KIAA1549: variants seen among roughly 807,000 people sequenced by gnomAD.
The protein encoded by KIAA1549 is UPF0606 protein KIAA1549.
Under a neutral mutation model 156.4 loss-of-function variants are expected in KIAA1549, and 70 were observed. That is an observed-to-expected ratio of 0.45 (90% CI 0.37 to 0.55). KIAA1549 has a LOEUF of 0.55. KIAA1549 is among the 20% of genes least tolerant of loss of function. KIAA1549 has a pLI of 0.00. For missense variants in KIAA1549, 2,428 were observed against 2,540.9 expected, an observed-to-expected ratio of 0.96 and a Z score of 0.96; for synonymous variants, 1,103 against 1,066.4, an observed-to-expected ratio of 1.03 and a Z score of -0.67.
At chr7:138,845,985 G>C (rs1810062384) in intron 17 of KIAA1549, among the ~76,000 whole-genome samples, 1 of 152,100 alleles carries the variant, frequency 6.6e-6, no homozygotes, top group Admixed American at 6.5e-5. Context: ...CTCAAACAAT[G>C]GGAGCAAGGG....
chr7:138,876,868 G>A (rs1811099262), intron 12 of KIAA1549, among the ~76,000 whole-genome samples: 1 of 152,188 alleles, frequency 6.6e-6, no homozygotes, highest in South Asian at 2.1e-4. Flanking sequence ...GTATGTGTCA[G>A]GGCCTAGTCA....
rs145493540 is a variant in KIAA1549 at position 138,885,762 on chromosome 7, G to C, written c.4033-4178C>G. Among the ~76,000 whole-genome samples the C allele has an allele frequency of 3.0e-3, 454 of 152,298 alleles. 2 individuals are homozygous for C. The highest frequency in any genetic ancestry group is 0.01 in the African/African-American group (430 of 41,562). ...CTTTGTGATAAACTGGTAAACAAAA[G>C]TAAGTGTTTCCCCAAGTCCTGTGAA... On this transcript the variant is annotated intron_variant, in intron 10 of 19. Coordinates refer to ENST00000422774, the MANE Select transcript of KIAA1549 (RefSeq NM_001164665.2).
chr7:138,941,366 G>C (rs1002337141), intron 1 of KIAA1549, among the ~76,000 whole-genome samples: 7 of 152,174 alleles, frequency 4.6e-5, no homozygotes, highest in African/African-American at 9.7e-5. Context: ...TGACACTTAA[G>C]AAGGAGGGAA....
At chr7:138,968,714 G>C (rs1452828507) in intron 1 of KIAA1549, among the ~76,000 whole-genome samples, 1 of 151,618 alleles carries the variant, frequency 6.6e-6, no homozygotes, top group Non-Finnish European at 1.5e-5. Context: ...ATAATAATTA[G>C]CCAGGCGTGG....
chr7:138,957,253 A>C (rs1366961260), intron 1 of KIAA1549, among the ~76,000 whole-genome samples: 2 of 147,444 alleles, frequency 1.4e-5, no homozygotes, highest in Non-Finnish European at 2.9e-5. Context: ...GCAAATCAAG[A>C]AAAACAAGGA....
intron 15 of KIAA1549, among the ~76,000 whole-genome samples, chr7:138,866,859 G>C (rs940192012): frequency 1.4e-4 from 22 of 152,184 alleles, no homozygotes; most frequent in Admixed American, 7.2e-4. Context: ...CTGGAGTGCA[G>C]TGGTGCGATC....
At chr7:138,955,655 A>G (rs949129559) in intron 1 of KIAA1549, among the ~76,000 whole-genome samples, 1 of 152,226 alleles carries the variant, frequency 6.6e-6, no homozygotes, top group African/African-American at 2.4e-5. Context: ...ATCCCATTTT[A>G]TGAAAAAAGT....
intron 17 of KIAA1549, among the ~76,000 whole-genome samples, chr7:138,848,710 C>A (rs1309799470): frequency 6.6e-6 from 1 of 152,072 alleles, no homozygotes. Context: ...GAGAAGTGTT[C>A]TTTTTCTATT....
intron 12 of KIAA1549, among the ~76,000 whole-genome samples, chr7:138,874,888 G>A (rs553224244): frequency 5.3e-5 from 8 of 152,088 alleles, no homozygotes; most frequent in East Asian, 1.9e-4. Flanking sequence ...CCAGCTACTC[G>A]GGAGGCTGAG....
Position 138,981,061 on chromosome 7 carries a change from C to G in KIAA1549, c.187+22G>C, listed in dbSNP as rs1814530959. The G allele has an allele frequency of 1.6e-6, 2 of 1,223,784 alleles. No homozygotes were observed. Among genetic ancestry groups the G allele is most frequent in the Non-Finnish European group, 2.0e-6 (2 of 981,858 alleles). 75.8% of individuals were successfully genotyped at this position (1,223,784 alleles called of 1,614,324 possible). ...GGCAGGCGGGGTCGCGGCCGCGTTC[C>G]GAGGGTCTCGGCGGAGCTTACCTGG... On this transcript the variant is annotated intron_variant, in intron 1 of 19. Coordinates refer to ENST00000422774, the MANE Select transcript of KIAA1549 (RefSeq NM_001164665.2). The surrounding 1 kb of genome is among the most constrained non-coding windows in gnomAD (Gnocchi z 4.5).
chr7:138,892,481 T>C (rs1811571738), intron 10 of KIAA1549, among the ~76,000 whole-genome samples: 1 of 152,242 alleles, frequency 6.6e-6, no homozygotes, highest in Non-Finnish European at 1.5e-5. Flanking sequence ...AAATTCACAC[T>C]ATGAATCATT....
At chr7:138,887,859 G>GGCAGCAGCA (rs373961594) in intron 10 of KIAA1549, among the ~76,000 whole-genome samples, 3 of 152,006 alleles carry the variant, frequency 2.0e-5, no homozygotes, top group Non-Finnish European at 2.9e-5. Context: ...TAGAGGAGGT[G>GGCAGCAGCA]GCAGCAGCAG....
At chr7:138,861,533 G>GA in intron 15 of KIAA1549, 77 bp from the exon 16 acceptor site, 1 of 1,147,660 alleles carries the variant, frequency 8.7e-7, no homozygotes, top group Non-Finnish European at 1.3e-6. Flanking sequence ...TGACATTGAG[G>GA]AAAAGTTCTA....
chr7:138,843,737 C>G (rs1165016781), intron 18 of KIAA1549, among the ~76,000 whole-genome samples: 1 of 152,166 alleles, frequency 6.6e-6, no homozygotes. Flanking sequence ...TCAAGATTCA[C>G]TGCAAAGCAA....
intron 1 of KIAA1549, among the ~76,000 whole-genome samples, chr7:138,969,856 G>A (rs1173721859): frequency 6.6e-6 from 1 of 152,198 alleles, no homozygotes; most frequent in Non-Finnish European, 1.5e-5. Flanking sequence ...GCCTCCCAAA[G>A]GGCCGGCCAC....
chr7:138,872,744 A>G (rs1176474297), intron 12 of KIAA1549, among the ~76,000 whole-genome samples: 1 of 152,020 alleles, frequency 6.6e-6, no homozygotes, highest in Non-Finnish European at 1.5e-5. Flanking sequence ...TGTCTCTACA[A>G]TTTTTTTTAA....
chr7:138,903,899 T>G (rs945379790), intron 7 of KIAA1549, among the ~76,000 whole-genome samples, 163 bp from the exon 8 acceptor site: 1 of 144,840 alleles, frequency 6.9e-6, no homozygotes, highest in African/African-American at 2.5e-5. Context: ...AATGCAAGAT[T>G]GCCATAAAAT....
chr7:138,831,829 T>A lies in KIAA1549; in HGVS notation c.*6077A>T, dbSNP rs920583886. ...TCCTATTAACGCTAGCCAGACTCCC[T>A]GCGTCCCAGAGATGCTCCGGAGGAG... On this transcript the variant is annotated 3_prime_UTR_variant, in exon 20 of 20. Transcript: ENST00000422774. 1 of 232,756 alleles carries A rather than the reference T, an allele frequency of 4.3e-6. No individual in the cohort carries two copies. The highest frequency in any genetic ancestry group is 8.5e-6 in the Non-Finnish European group (1 of 117,730). The allele number at this position is 232,756 out of a possible 1,614,324, so 14.4% of individuals were successfully genotyped here. A position where few individuals can be genotyped will look rare whatever the true frequency, so the allele number is the denominator to read the frequency against.
At chr7:138,964,643 G>A (rs1813959883) in intron 1 of KIAA1549, among the ~76,000 whole-genome samples, 3 of 152,152 alleles carry the variant, frequency 2.0e-5, no homozygotes, top group Admixed American at 2.0e-4. Flanking sequence ...AGGCCCAAAT[G>A]CCAATGAACA....
Sources: gnomAD v4.1 joint callset for allele counts (sites outside exome capture counted in the v4.1 genomes callset) on GRCh38, gnomAD v4.1.1 for gene constraint, Gnocchi (gnomAD v3.1) non-coding constraint, MANE v1.5 for transcripts, NCBI Gene and HGNC (gene_info 2026-07-23, HGNC 2026-07-21) for gene names.